Variants in ZNF385D observed in about 807,000 individuals in gnomAD.
The protein encoded by ZNF385D is zinc finger protein 385D.
A neutral mutation model predicts 35.8 loss-of-function variants in ZNF385D; 15 were observed. The observed-to-expected ratio is 0.42, with a 90% CI of 0.28 to 0.64. ZNF385D has a LOEUF of 0.64. Among genes scored for constraint, ZNF385D ranks in the 30% least tolerant of loss-of-function variants. The pLI is 0.23. For missense variants in ZNF385D, 474 were observed against 494.6 expected, an observed-to-expected ratio of 0.96 and a Z score of 0.39; for synonymous variants, 212 against 186.8, an observed-to-expected ratio of 1.13 and a Z score of -1.10.
At chr3:22,354,581 T>C (rs1482614532) in intron 2 of ZNF385D, among the ~76,000 whole-genome samples, 1 of 152,062 alleles carries the variant, frequency 6.6e-6, no homozygotes. Context: ...TATAATAAAT[T>C]ATACATTAAA....
intron 3 of ZNF385D, among the ~76,000 whole-genome samples, chr3:21,901,636 G>C (rs1172134367): frequency 2.0e-5 from 3 of 152,110 alleles, no homozygotes; most frequent in Admixed American, 2.0e-4. Flanking sequence ...TGAGATTAAA[G>C]TTTAGGATGG....
Position 21,556,068 on chromosome 3 carries a change from G to GTTTTTTTTTTTTTTTTT in ZNF385D, c.276+8489_276+8505dup, listed in dbSNP as rs148079775. On this transcript the variant is annotated intron_variant, in intron 3 of 7. Coordinates refer to ENST00000281523, the MANE Select transcript of ZNF385D (RefSeq NM_024697.3). ...ACTTTTTGACGTTTTTTTTGTTTTT[G>GTTTTTTTTTTTTTTTTT]TTTTTTTTTTTTTTTTTTTGTAAAT... Among the ~76,000 whole-genome samples the GTTTTTTTTTTTTTTTTT allele has an allele frequency of 8.1e-4, 80 of 99,020 alleles. 1 individual carries two copies. Among genetic ancestry groups the GTTTTTTTTTTTTTTTTT allele is most frequent in the East Asian group, 1.2e-3 (4 of 3,262 alleles). 65.0% of individuals were successfully genotyped at this position (99,020 alleles called of 152,430 possible).
At chr3:21,607,004 T>G (rs2064503845) in intron 2 of ZNF385D, among the ~76,000 whole-genome samples, 1 of 152,190 alleles carries the variant, frequency 6.6e-6, no homozygotes, top group South Asian at 2.1e-4. Context: ...ATCAGGCAAG[T>G]TAAGGAATGC....
At chr3:22,046,446 A>C (rs6790190) in intron 3 of ZNF385D, among the ~76,000 whole-genome samples, 32,374 of 151,946 alleles carry the variant, frequency 0.21, 3,651 homozygotes, top group South Asian at 0.36. Flanking sequence ...ATTCCCTTTA[A>C]ATTGTTTTGC....
intron 4 of ZNF385D, among the ~76,000 whole-genome samples, chr3:21,505,380 C>A (rs752219955): frequency 2.0e-5 from 2 of 100,712 alleles, no homozygotes; most frequent in Non-Finnish European, 4.3e-5. Flanking sequence ...AAGGAACAGA[C>A]TCTTTGTGGC....
intron 3 of ZNF385D, among the ~76,000 whole-genome samples, chr3:22,138,279 C>A (rs1285349319): frequency 6.6e-6 from 1 of 152,196 alleles, no homozygotes; most frequent in Non-Finnish European, 1.5e-5. Flanking sequence ...CCCCATCAAG[C>A]TACCAATGAC....
At chr3:21,607,610 A>AAGAG (rs1553622512) in intron 2 of ZNF385D, among the ~76,000 whole-genome samples, 1 of 152,126 alleles carries the variant, frequency 6.6e-6, no homozygotes, top group African/African-American at 2.4e-5. Flanking sequence ...GTTCTTGAAG[A>AAGAG]GACCTCACCA....
chr3:22,013,684 A>T (rs1181636353), intron 3 of ZNF385D, among the ~76,000 whole-genome samples: 6 of 152,136 alleles, frequency 3.9e-5, no homozygotes, highest in Admixed American at 3.3e-4. Context: ...AAATTTACGT[A>T]CAGCCTGTTA....
chr3:21,454,607 T>C (rs1702670260), intron 4 of ZNF385D, among the ~76,000 whole-genome samples: 1 of 152,126 alleles, frequency 6.6e-6, no homozygotes, highest in Non-Finnish European at 1.5e-5. Context: ...ATAAGAGCTA[T>C]TTATGACAAA....
At chr3:21,789,189 GATTTA>G (rs1205568500) in intron 3 of ZNF385D, among the ~76,000 whole-genome samples, 1 of 152,178 alleles carries the variant, frequency 6.6e-6, no homozygotes, top group Non-Finnish European at 1.5e-5. Flanking sequence ...ATAAAATACT[GATTTA>G]ATTAAATCTA....
intron 1 of ZNF385D, among the ~76,000 whole-genome samples, chr3:21,687,360 G>T (rs2067139255): frequency 6.6e-6 from 1 of 152,124 alleles, no homozygotes. Context: ...TTGTTAAGTA[G>T]CAATAGACAA....
At chr3:22,085,709 C>T (rs969075793) in intron 3 of ZNF385D, among the ~76,000 whole-genome samples, 7 of 152,144 alleles carry the variant, frequency 4.6e-5, no homozygotes, top group African/African-American at 1.2e-4. Flanking sequence ...TTTTATGAGG[C>T]CAGAATCATC....
chr3:22,010,130 C>A (rs1340040772), intron 3 of ZNF385D, among the ~76,000 whole-genome samples: 1 of 151,872 alleles, frequency 6.6e-6, no homozygotes, highest in Non-Finnish European at 1.5e-5. Context: ...TACAAGATTC[C>A]AAGATGAGAA....
At chr3:21,550,342 G>C (rs1205615457) in intron 3 of ZNF385D, among the ~76,000 whole-genome samples, 1 of 151,940 alleles carries the variant, frequency 6.6e-6, no homozygotes, top group Non-Finnish European at 1.5e-5. Context: ...AGCCTAATTT[G>C]GTTACTAGGG....
intron 3 of ZNF385D, among the ~76,000 whole-genome samples, chr3:22,156,880 C>G (rs1007698503): frequency 1.3e-5 from 2 of 152,132 alleles, no homozygotes; most frequent in African/African-American, 2.4e-5. Flanking sequence ...CTTCTCAACA[C>G]CTGATTTTGC....
intron 3 of ZNF385D, among the ~76,000 whole-genome samples, chr3:21,944,160 C>A (rs1435329988): frequency 6.6e-6 from 1 of 152,156 alleles, no homozygotes; most frequent in Non-Finnish European, 1.5e-5. Flanking sequence ...TACAGTCTTA[C>A]ACATTAACTT....
intron 3 of ZNF385D, among the ~76,000 whole-genome samples, chr3:21,850,827 T>A (rs781571002): frequency 6.6e-6 from 1 of 152,042 alleles, no homozygotes; most frequent in Non-Finnish European, 1.5e-5. Flanking sequence ...CTAGTGGGCC[T>A]TAAAAATGTG....
intron 2 of ZNF385D, among the ~76,000 whole-genome samples, chr3:22,342,276 CAAAAAA>C (rs766689054): frequency 3.7e-5 from 2 of 53,510 alleles, no homozygotes; most frequent in African/African-American, 1.1e-4. Context: ...GACTCCGCCT[CAAAAAA>C]AAAAAAAAAA....
chr3:22,347,928 C>T (rs1006599708), intron 2 of ZNF385D, among the ~76,000 whole-genome samples: 6 of 152,060 alleles, frequency 3.9e-5, no homozygotes, highest in African/African-American at 1.2e-4. Flanking sequence ...TCTAGAGTTG[C>T]CTTCAATATG....
Sources: allele counts gnomAD v4.1 joint callset (sites outside exome capture counted in the v4.1 genomes callset), GRCh38; gene constraint gnomAD v4.1.1; transcripts MANE v1.5; gene names NCBI Gene and HGNC (gene_info 2026-07-23, HGNC 2026-07-21).